RARB: variants seen among roughly 807,000 people sequenced by gnomAD.
The protein encoded by RARB is HBV-activated protein.
A neutral mutation model predicts 51.9 loss-of-function variants in RARB; 17 were observed. That is an observed-to-expected ratio of 0.33 (90% CI 0.22 to 0.49). The LOEUF (loss-of-function observed/expected upper bound fraction) is 0.49, where lower values mean the gene tolerates loss of function less well. Among genes scored for constraint, RARB ranks in the 20% least tolerant of loss-of-function variants. The pLI is 0.99. For synonymous variants in RARB, 215 were observed against 195.4 expected (o/e 1.10, Z -0.84); for missense variants, 369 against 550.8 (o/e 0.67, Z 3.30).
At chr3:25,049,081 A>C (rs1285129021) in intron 2 of RARB, among the ~76,000 whole-genome samples, 1 of 152,104 alleles carries the variant, frequency 6.6e-6, no homozygotes, top group African/African-American at 2.4e-5. Context: ...TATTTCAGTA[A>C]ATTATATAAT....
intron 5 of RARB, among the ~76,000 whole-genome samples, chr3:25,184,166 GA>G: frequency 6.6e-6 from 1 of 150,912 alleles, no homozygotes; most frequent in South Asian, 2.1e-4. Flanking sequence ...GCCCAAATCT[GA>G]AAAAAGCCAT....
At chr3:25,565,234 AG>A (rs1239383211) in intron 3 of RARB, among the ~76,000 whole-genome samples, 2 of 152,320 alleles carry the variant, frequency 1.3e-5, no homozygotes, top group African/African-American at 2.4e-5. Flanking sequence ...GGCCTCAGGC[AG>A]GGTACTCACC....
chr3:25,182,334 G>A (rs1402829956), intron 5 of RARB, among the ~76,000 whole-genome samples: 1 of 152,190 alleles, frequency 6.6e-6, no homozygotes, highest in African/African-American at 2.4e-5. Flanking sequence ...ACCAGAACCA[G>A]CAATTATGCC....
At chr3:25,129,306 T>C (rs555774039) in intron 3 of RARB, among the ~76,000 whole-genome samples, 5 of 152,226 alleles carry the variant, frequency 3.3e-5, no homozygotes, top group African/African-American at 1.2e-4. Flanking sequence ...TAGATTTTTA[T>C]TTTTCCACAA....
At chr3:24,982,878 G>C (rs970311708) in intron 2 of RARB, among the ~76,000 whole-genome samples, 2 of 152,138 alleles carry the variant, frequency 1.3e-5, no homozygotes, top group Non-Finnish European at 2.9e-5. Flanking sequence ...TTCCCATCCT[G>C]TAACACATAT....
chr3:24,830,201 G>A (rs1702261171), intron 1 of RARB, among the ~76,000 whole-genome samples: 1 of 152,080 alleles, frequency 6.6e-6, no homozygotes, highest in South Asian at 2.1e-4. Flanking sequence ...TGTGATTGTA[G>A]AGACGATGGG....
intron 1 of RARB, among the ~76,000 whole-genome samples, chr3:24,829,622 C>G (rs923507493): frequency 2.0e-5 from 3 of 152,240 alleles, no homozygotes; most frequent in Admixed American, 6.5e-5. Context: ...CCCAGGACAT[C>G]TGGACTCGCG....
At chr3:25,220,216 G>A (rs1303619136) in intron 5 of RARB, among the ~76,000 whole-genome samples, 1 of 152,112 alleles carries the variant, frequency 6.6e-6, no homozygotes, top group African/African-American at 2.4e-5. Flanking sequence ...TTCCCTAACT[G>A]TATGGTTCAG....
chr3:25,466,445 C>T (rs1046227797), intron 2 of RARB, among the ~76,000 whole-genome samples: 2 of 152,188 alleles, frequency 1.3e-5, no homozygotes, highest in Non-Finnish European at 2.9e-5. Flanking sequence ...ATTCACCCAC[C>T]TAGGCCTCCC....
chr3:25,329,444 T>C (rs904946722), intron 5 of RARB, among the ~76,000 whole-genome samples: 9 of 152,026 alleles, frequency 5.9e-5, no homozygotes, highest in Non-Finnish European at 1.3e-4. Context: ...CAGCTGAGGG[T>C]CCTGACTTTT....
At chr3:25,323,347 C>A (rs75812834) in intron 5 of RARB, among the ~76,000 whole-genome samples, 1 of 152,152 alleles carries the variant, frequency 6.6e-6, no homozygotes, top group African/African-American at 2.4e-5. Context: ...TTGCTGTGGT[C>A]ATTATTAAAG....
intron 5 of RARB, among the ~76,000 whole-genome samples, chr3:25,198,572 G>A (rs1394782200): frequency 6.6e-6 from 1 of 151,960 alleles, no homozygotes; most frequent in African/African-American, 2.4e-5. Flanking sequence ...AAAAACTATT[G>A]TAAATAGTAT....
intron 5 of RARB, among the ~76,000 whole-genome samples, chr3:25,592,127 A>T (rs1304392384): frequency 6.6e-6 from 1 of 152,134 alleles, no homozygotes; most frequent in Non-Finnish European, 1.5e-5. Flanking sequence ...CAGGATGGAG[A>T]GGGCTTTACT....
intron 2 of RARB, among the ~76,000 whole-genome samples, chr3:24,934,540 C>A (rs1695509829): frequency 6.6e-6 from 1 of 152,072 alleles, no homozygotes; most frequent in African/African-American, 2.4e-5. Context: ...AGCCCAAAAT[C>A]TCATACCTGT....
At chr3:24,867,709 G>A (rs1323347233) in intron 2 of RARB, among the ~76,000 whole-genome samples, 6 of 152,098 alleles carry the variant, frequency 3.9e-5, no homozygotes, top group African/African-American at 1.4e-4. Context: ...AGACCTCAGG[G>A]TCGTTTTTGT....
chr3:25,277,950 T>A (rs1303489928), intron 5 of RARB, among the ~76,000 whole-genome samples: 1 of 152,214 alleles, frequency 6.6e-6, no homozygotes, highest in Non-Finnish European at 1.5e-5. Flanking sequence ...ACATAAATGA[T>A]GCCACACAAT....
At position 24,903,416 on chromosome 3, in the gene RARB, G is replaced by A. The variant is rs533737370; in HGVS notation, c.-380+44664G>A. Among the ~76,000 whole-genome samples, 388 of 152,166 alleles carry A rather than the reference G, an allele frequency of 2.5e-3. 2 individuals are homozygous for A. Among genetic ancestry groups the A allele is most frequent in the Non-Finnish European group, 2.5e-3 (173 of 67,986 alleles). On this transcript the variant is annotated intron_variant, in intron 2 of 11. Transcript: ENST00000383772. Reference sequence around the variant, plus strand: ...AAATATTAAGTTTCCCCGGTGTTTAGAAGCTATTAAACACATTTTAAAAGT... The same window carrying A: ...AAATATTAAGTTTCCCCGGTGTTTAAAAGCTATTAAACACATTTTAAAAGT...
intron 2 of RARB, among the ~76,000 whole-genome samples, chr3:24,876,833 A>AC (rs1703053836): frequency 6.6e-6 from 1 of 152,198 alleles, no homozygotes; most frequent in East Asian, 1.9e-4. Context: ...AGATAGTGGC[A>AC]TTTCATTTAT....
chr3:24,956,786 G>A (rs1186765160), intron 2 of RARB, among the ~76,000 whole-genome samples: 1 of 152,092 alleles, frequency 6.6e-6, no homozygotes, highest in African/African-American at 2.4e-5. Context: ...GTGAACTTAA[G>A]TCAACTTCCC....
Sources: gnomAD v4.1 joint callset for allele counts (sites outside exome capture counted in the v4.1 genomes callset) on GRCh38, gnomAD v4.1.1 for gene constraint, MANE v1.5 for transcripts, NCBI Gene and HGNC (gene_info 2026-07-23, HGNC 2026-07-21) for gene names.